Variants in METTL15 observed in about 807,000 individuals in gnomAD.
METTL15 encodes the protein methyltransferase 15, mitochondrial 12S rRNA N4-cytidine.
METTL15 carries 34 observed loss-of-function variants against 38.3 expected under a neutral mutation model. That is an observed-to-expected ratio of 0.89 (90% confidence interval 0.68 to 1.18). The LOEUF is 1.18. Ranked by LOEUF, METTL15 falls within the 50% of genes most tolerant of loss-of-function variation. The pLI is 0.00. For missense variants in METTL15, 438 were observed against 498.4 expected, an observed-to-expected ratio of 0.88 and a Z score of 1.15; for synonymous variants, 162 against 170.9, an observed-to-expected ratio of 0.95 and a Z score of 0.41.
chr11:28,217,302 C>G (rs1053753273), intron 4 of METTL15, among the ~76,000 whole-genome samples: 2 of 152,206 alleles, frequency 1.3e-5, no homozygotes, highest in Non-Finnish European at 2.9e-5. Context: ...TTGCATTTCT[C>G]TGATGGCCAG....
At chr11:28,527,452 G>A (rs758290948), downstream of METTL15, among the ~76,000 whole-genome samples, 3 of 152,092 alleles carry the variant, frequency 2.0e-5, no homozygotes, top group Non-Finnish European at 4.4e-5. Context: ...TAAATAAATA[G>A]GCATTGAGTA....
intron 6 of METTL15, among the ~76,000 whole-genome samples, chr11:28,304,691 G>A (rs902528346): frequency 1.3e-5 from 2 of 151,942 alleles, no homozygotes; most frequent in East Asian, 3.9e-4. Flanking sequence ...ACTCCAGCCT[G>A]GGTGACAGAG....
chr11:28,469,356 A>G (rs1160339496), intron 6 of METTL15, among the ~76,000 whole-genome samples: 2 of 152,206 alleles, frequency 1.3e-5, no homozygotes, highest in African/African-American at 2.4e-5. Flanking sequence ...AGTTATTATC[A>G]CAATAAAGCT....
At chr11:28,165,125 A>G (rs1850611197) in intron 3 of METTL15, among the ~76,000 whole-genome samples, 2 of 152,050 alleles carry the variant, frequency 1.3e-5, no homozygotes, top group Admixed American at 1.3e-4. Context: ...TATCTTGGCT[A>G]TTGTGGATAA....
chr11:28,394,161 GGAGAA>G (rs1323996238), intron 5 of METTL15, among the ~76,000 whole-genome samples: 1 of 152,034 alleles, frequency 6.6e-6, no homozygotes, highest in Non-Finnish European at 1.5e-5. Flanking sequence ...GAGAGAGAGG[GGAGAA>G]GAGAAGGCAG....
At chr11:28,256,206 C>T (rs1854965173) in intron 4 of METTL15, among the ~76,000 whole-genome samples, 1 of 152,166 alleles carries the variant, frequency 6.6e-6, no homozygotes, top group African/African-American at 2.4e-5. Flanking sequence ...TAATACTAGC[C>T]TCACACAGTG....
chr11:28,110,073 G>C (rs1851652132), intron 1 of METTL15, 93 bp from the exon 2 acceptor site: 1 of 152,216 alleles, frequency 6.6e-6, no homozygotes, highest in South Asian at 2.1e-4. Context: ...TGAAAAGTTA[G>C]ATTTAAAGTT....
chr11:28,146,303 A>T (rs1590808784), intron 3 of METTL15, among the ~76,000 whole-genome samples: 1 of 151,984 alleles, frequency 6.6e-6, no homozygotes, highest in East Asian at 1.9e-4. Context: ...GTGTAAGAAA[A>T]GTTTTGGTAG....
intron 3 of METTL15, among the ~76,000 whole-genome samples, chr11:28,122,602 A>G (rs1852300551): frequency 6.6e-6 from 1 of 151,560 alleles, no homozygotes; most frequent in African/African-American, 2.4e-5. Context: ...ATGTATACAT[A>G]TAAGTAACTA....
At chr11:28,179,062 C>A (rs1018520476) in intron 3 of METTL15, among the ~76,000 whole-genome samples, 14 of 151,778 alleles carry the variant, frequency 9.2e-5, no homozygotes, top group African/African-American at 3.4e-4. Flanking sequence ...AAAACATTTC[C>A]CCTCTCTGAT....
At position 28,158,050 on chromosome 11, in the gene METTL15, G is replaced by T. The variant is rs1222999304; in HGVS notation, c.270+44446G>T. On this transcript the variant is annotated intron_variant, in intron 3 of 6. Transcript: ENST00000407364. ...TGAGTGGAAGGAGAAATGACCAGAT[G>T]TGTGATTGTATTCAGATTCACGGGC... 2.0e-5 allele frequency among the ~76,000 whole-genome samples: 3 copies of T among 152,182 alleles called. No homozygotes were observed. In the South Asian group the frequency reaches 6.2e-4, roughly 31 times the overall value.
intron 4 of METTL15, among the ~76,000 whole-genome samples, chr11:28,211,544 T>C (rs1382104918): frequency 6.6e-6 from 1 of 152,094 alleles, no homozygotes; most frequent in Non-Finnish European, 1.5e-5. Flanking sequence ...TCTAAGAATT[T>C]AGCAGAGTAA....
chr11:28,280,598 A>ATTCT (rs1326960631), intron 4 of METTL15, among the ~76,000 whole-genome samples: 1 of 147,334 alleles, frequency 6.8e-6, no homozygotes, highest in Admixed American at 6.7e-5. Context: ...CTTTTACTCC[A>ATTCT]TTCTTTCTTT....
intron 4 of METTL15, among the ~76,000 whole-genome samples, chr11:28,234,878 C>G (rs1321893876): frequency 6.8e-6 from 1 of 147,878 alleles, no homozygotes; most frequent in Admixed American, 6.7e-5. Context: ...GAAGTCCTTG[C>G]CCATGCCTAT....
At chr11:28,218,354 GTGTT>G (rs1342641205) in intron 4 of METTL15, among the ~76,000 whole-genome samples, 1 of 151,964 alleles carries the variant, frequency 6.6e-6, no homozygotes, top group Non-Finnish European at 1.5e-5. Context: ...ATTTGGCTCT[GTGTT>G]TGTCTGTTGT....
At chr11:28,111,990 AT>A (rs749902058) in intron 2 of METTL15, among the ~76,000 whole-genome samples, 1 of 152,072 alleles carries the variant, frequency 6.6e-6, no homozygotes, top group Non-Finnish European at 1.5e-5. Context: ...TCAATGTCAC[AT>A]TTGCCACACA....
At chr11:28,293,153 T>G (rs1428357505) in intron 5 of METTL15, among the ~76,000 whole-genome samples, 2 of 152,214 alleles carry the variant, frequency 1.3e-5, no homozygotes, top group Non-Finnish European at 2.9e-5. Flanking sequence ...TGAATGGTAT[T>G]GCCTAGGTTT....
At chr11:28,352,224 A>G (rs892924151) in intron 4 of METTL15, 2 of 152,174 alleles carry the variant, frequency 1.3e-5, no homozygotes, top group Non-Finnish European at 2.9e-5. Context: ...TGAGAAACCT[A>G]TGAAATCAGC....
chr11:28,299,199 A>G (rs990831754), intron 6 of METTL15, among the ~76,000 whole-genome samples: 10 of 152,144 alleles, frequency 6.6e-5, no homozygotes, highest in Admixed American at 2.6e-4. Context: ...TTGATTCTTA[A>G]CAAACCACAC....
Sources: allele counts gnomAD v4.1 joint callset (sites outside exome capture counted in the v4.1 genomes callset), GRCh38; gene constraint gnomAD v4.1.1; transcripts MANE v1.5; gene names NCBI Gene and HGNC (gene_info 2026-07-23, HGNC 2026-07-21).